Variants in RSPH14 observed in about 807,000 individuals in gnomAD.
RSPH14 encodes the protein rhabdoid tumor deletion region gene 1.
A neutral mutation model predicts 26.7 loss-of-function variants in RSPH14; 20 were observed. That is an observed-to-expected ratio of 0.75 (90% CI 0.53 to 1.09). The LOEUF (loss-of-function observed/expected upper bound fraction) is 1.09, where lower values mean the gene tolerates loss of function less well. Among genes scored for constraint, RSPH14 ranks in the 50% least tolerant of loss-of-function variants. The pLI, the probability that RSPH14 is intolerant of heterozygous loss-of-function variation, is 0.00. For missense variants in RSPH14, 449 were observed against 457.2 expected, an observed-to-expected ratio of 0.98 and a Z score of 0.16; for synonymous variants, 177 against 189.3, an observed-to-expected ratio of 0.93 and a Z score of 0.53.
intron 4 of RSPH14, among the ~76,000 whole-genome samples, chr22:23,118,497 C>CT (rs5844547): frequency 0.22 from 33,075 of 151,692 alleles, 4,158 homozygotes; most frequent in Middle Eastern, 0.33. Context: ...CCGCGGCTGC[C>CT]TTGGCAGCCA....
chr22:23,099,580 C>A (rs1179353361), intron 4 of RSPH14, among the ~76,000 whole-genome samples: 2 of 152,250 alleles, frequency 1.3e-5, no homozygotes, highest in East Asian at 1.9e-4. Flanking sequence ...GAGGCTCAGG[C>A]ACACAGCTGG....
the RSPH14 span, chr22:23,157,943 C>T: frequency 1.2e-6 from 2 of 1,611,792 alleles, no homozygotes; most frequent in South Asian, 2.2e-5. Flanking sequence ...AGCCCCCTTG[C>T]TCGCCTCGCC....
chr22:23,098,743 A>G (rs937407254), intron 4 of RSPH14, among the ~76,000 whole-genome samples: 15 of 152,276 alleles, frequency 9.9e-5, no homozygotes, highest in African/African-American at 3.6e-4. Context: ...ATGGAAAACA[A>G]ACAGGCTGCA....
At chr22:23,152,185 G>T in the RSPH14 span, among the ~76,000 whole-genome samples, 2 of 152,288 alleles carry the variant, frequency 1.3e-5, no homozygotes, top group African/African-American at 4.8e-5. Context: ...CCTGTGACTC[G>T]GCCTCTTGTT....
upstream of RSPH14, chr22:23,142,115 G>C: frequency 3.6e-6 from 3 of 822,422 alleles, no homozygotes; most frequent in Non-Finnish European, 2.9e-6. Context: ...GCGGCCGGCT[G>C]CAAAGCGGGA....
At chr22:23,061,754 C>G in intron 6 of RSPH14, 55 bp downstream of exon 6, 1 of 1,593,972 alleles carries the variant, frequency 6.3e-7, no homozygotes. Context: ...GAAAGCTCAT[C>G]ACGGCTGCTA....
chr22:23,167,048 C>G, the RSPH14 span, among the ~76,000 whole-genome samples: 6 of 152,088 alleles, frequency 3.9e-5, no homozygotes, highest in Non-Finnish European at 7.4e-5. Context: ...GAGGTGCAGA[C>G]AGCTGAAGAG....
At chr22:23,152,004 C>T in the RSPH14 span, among the ~76,000 whole-genome samples, 1 of 152,210 alleles carries the variant, frequency 6.6e-6, no homozygotes, top group Non-Finnish European at 1.5e-5. Context: ...CGGCGCACAG[C>T]CCCGGGGGTG....
the RSPH14 span, chr22:23,156,141 C>CTGAGAAAA: frequency 4.6e-6 from 4 of 861,592 alleles, no homozygotes; most frequent in Non-Finnish European, 6.9e-6. Context: ...TTTTTGTCCT[C>CTGAGAAAA]CAAGACCCAC....
chr22:23,105,272 A>G (rs1462282986), intron 4 of RSPH14, among the ~76,000 whole-genome samples: 1 of 152,246 alleles, frequency 6.6e-6, no homozygotes, highest in African/African-American at 2.4e-5. Context: ...CAGCTGGAGG[A>G]GTGACTATGG....
At chr22:23,153,589 T>A in the RSPH14 span, 2 of 984,980 alleles carry the variant, frequency 2.0e-6, no homozygotes, top group Non-Finnish European at 2.4e-6. Flanking sequence ...TGAGATGGAG[T>A]ACACAGCACC....
At chr22:23,094,291 A>G (rs1323792049) in intron 4 of RSPH14, among the ~76,000 whole-genome samples, 1 of 152,036 alleles carries the variant, frequency 6.6e-6, no homozygotes, top group Non-Finnish European at 1.5e-5. Flanking sequence ...AAGAAGCCTG[A>G]GCTTTGAGCT....
chr22:23,161,587 C>T, the RSPH14 span: 1 of 1,565,078 alleles, frequency 6.4e-7, no homozygotes, highest in Non-Finnish European at 8.7e-7. Flanking sequence ...TGGAAGGCCT[C>T]CGCTCCCTGC....
At chr22:23,130,095 GAAAGAAAGAAAGAAAGAA>G (rs1569192567) in intron 4 of RSPH14, among the ~76,000 whole-genome samples, 2 of 45,888 alleles carry the variant, frequency 4.4e-5, no homozygotes, top group African/African-American at 7.4e-5. Context: ...AAGAAAGAAA[GAAAGAAAGAAAGAAAGAA>G]AGAAAGAAAG....
intron 4 of RSPH14, among the ~76,000 whole-genome samples, chr22:23,100,569 T>C (rs978509295): frequency 2.6e-5 from 4 of 152,224 alleles, no homozygotes; most frequent in African/African-American, 9.6e-5. Flanking sequence ...AGTGGTCCCT[T>C]GTCCTGGGGC....
chr22:23,064,036 G>A lies in RSPH14; in HGVS notation c.519C>T (p.Asp173=). 2 of 1,614,204 alleles carry A rather than the reference G, an allele frequency of 1.2e-6. No homozygotes were observed. Among genetic ancestry groups the A allele is most frequent in the South Asian group, 1.1e-5 (1 of 91,086 alleles). ...EEEEFQEFIL[D]TLVLCLQEDA... Reference sequence around the variant, plus strand: ...CCTCCTGCAGGCAGAGGACCAGTGTGTCCAGGATGAACTCCTGGAACTCCT... The same window carrying A: ...CCTCCTGCAGGCAGAGGACCAGTGTATCCAGGATGAACTCCTGGAACTCCT... The change falls in exon 5 of 7, where the codon GAC becomes GAT. Residue 173 remains aspartate (D), a synonymous_variant. Transcript: ENST00000216036.
the RSPH14 span, among the ~76,000 whole-genome samples, chr22:23,177,897 C>T: frequency 6.6e-6 from 1 of 152,150 alleles, no homozygotes; most frequent in Non-Finnish European, 1.5e-5. Flanking sequence ...TTCCCAGGCT[C>T]AGTGCAATCC....
upstream of RSPH14, among the ~76,000 whole-genome samples, chr22:23,147,289 A>G (rs1009119761): frequency 9.9e-5 from 15 of 152,150 alleles, no homozygotes; most frequent in Non-Finnish European, 2.1e-4. Context: ...ATATTTACCA[A>G]TATAGAAGAT....
upstream of RSPH14, chr22:23,145,247 G>GCCCCC: frequency 1.1e-5 from 2 of 186,630 alleles, no homozygotes; most frequent in Non-Finnish European, 2.1e-5. Flanking sequence ...CCATAGCCCC[G>GCCCCC]CCCACCGCCC....
Sources: allele counts gnomAD v4.1 joint callset (sites outside exome capture counted in the v4.1 genomes callset), GRCh38; gene constraint gnomAD v4.1.1; transcripts MANE v1.5; gene names NCBI Gene and HGNC (gene_info 2026-07-23, HGNC 2026-07-21).